EML5: variants seen among roughly 807,000 people sequenced by gnomAD.
EML5 encodes the protein echinoderm microtubule-associated protein-like 5.
In EML5, 120 loss-of-function variants were observed where a neutral mutation model predicts 250.0. The observed-to-expected ratio is 0.48, with a 90% CI of 0.41 to 0.56. EML5 has a LOEUF of 0.56. Among genes scored for constraint, EML5 ranks in the 20% least tolerant of loss-of-function variants. EML5 has a pLI of 0.00. For missense variants in EML5, 2,006 were observed against 2,437.6 expected (o/e 0.82, Z 3.73); for synonymous variants, 771 against 806.5 (o/e 0.96, Z 0.75).
intron 32 of EML5, among the ~76,000 whole-genome samples, chr14:88,637,854 G>A (rs1387572866): frequency 6.6e-6 from 1 of 152,040 alleles, no homozygotes; most frequent in East Asian, 1.9e-4. Context: ...TATATGCAAA[G>A]ATTAGAATAT....
At chr14:88,765,524 C>A (rs1195146600) in intron 1 of EML5, among the ~76,000 whole-genome samples, 1 of 152,142 alleles carries the variant, frequency 6.6e-6, no homozygotes, top group Non-Finnish European at 1.5e-5. Flanking sequence ...CTCATTCCAG[C>A]TAAAGAAAAT....
chr14:88,642,661 T>C (rs891254204), intron 31 of EML5, among the ~76,000 whole-genome samples: 10 of 152,220 alleles, frequency 6.6e-5, no homozygotes, highest in Non-Finnish European at 1.5e-4. Flanking sequence ...TAGAGACTTA[T>C]GAGCACTTTG....
At chr14:88,627,139 C>A (rs2090036819) in intron 34 of EML5, 93 bp from the exon 35 acceptor site, 1 of 1,360,730 alleles carries the variant, frequency 7.3e-7, no homozygotes, top group African/African-American at 1.4e-5. Flanking sequence ...GTTCAAAAAA[C>A]AAAGGCTTAG....
At chr14:88,634,247 CCCTTTG>C (rs1271808900) in intron 33 of EML5, among the ~76,000 whole-genome samples, 1 of 152,158 alleles carries the variant, frequency 6.6e-6, no homozygotes, top group Admixed American at 6.6e-5. Context: ...CCTGCTCAAG[CCCTTTG>C]CCTTCCACCA....
At chr14:88,752,056 A>G (rs996396063) in intron 2 of EML5, among the ~76,000 whole-genome samples, 3 of 152,150 alleles carry the variant, frequency 2.0e-5, no homozygotes, top group African/African-American at 7.2e-5. Context: ...GTTTTTATGA[A>G]CTTAAAATTT....
chr14:88,766,921 G>A (rs187380667), intron 1 of EML5, among the ~76,000 whole-genome samples: 4 of 152,264 alleles, frequency 2.6e-5, no homozygotes, highest in Admixed American at 6.5e-5. Context: ...GGTTTCCCCC[G>A]ATAGCACACA....
At chr14:88,617,965 TAAG>T in intron 41 of EML5, 1 of 268,680 alleles carries the variant, frequency 3.7e-6, no homozygotes, top group South Asian at 8.5e-5. Context: ...AATTTAGCAT[TAAG>T]AAAAATATCA....
intron 34 of EML5, 146 bp downstream of exon 34, chr14:88,627,500 A>C: frequency 1.4e-6 from 1 of 703,910 alleles, no homozygotes; most frequent in Non-Finnish European, 2.2e-6. Context: ...AAATATACCT[A>C]CAGTACCACT....
At chr14:88,765,313 T>C (rs1016981394) in intron 1 of EML5, among the ~76,000 whole-genome samples, 2 of 152,154 alleles carry the variant, frequency 1.3e-5, no homozygotes, top group African/African-American at 4.8e-5. Context: ...TCCAAGTTCA[T>C]TCAGAACGTT....
chr14:88,686,780 C>A (rs959418597), intron 19 of EML5, among the ~76,000 whole-genome samples: 1 of 152,128 alleles, frequency 6.6e-6, no homozygotes, highest in Non-Finnish European at 1.5e-5. Flanking sequence ...CACTGCACTC[C>A]AGCCTGGGCA....
chr14:88,684,084 C>G (rs1330271153), intron 20 of EML5, among the ~76,000 whole-genome samples: 1 of 151,402 alleles, frequency 6.6e-6, no homozygotes, highest in African/African-American at 2.4e-5. Context: ...ATAAAACTAT[C>G]AGAACTAATA....
rs1595904466 is a variant in EML5, at chr14:88,792,334, T to A, written c.170A>T (p.Tyr57Phe). The A allele has an allele frequency of 1.3e-6, 2 of 1,564,168 alleles. No individual in the cohort carries two copies. Among genetic ancestry groups the A allele is most frequent in the Non-Finnish European group, 1.7e-6 (2 of 1,156,454 alleles). ...GATGATGTCGTCGCTGTGGCCCCGG[T>A]AGAACTTCTGCCTGTGCTCCCGCGG... ...YSPREHRQKF[Y>F]RGHSDDIISL... Residue 57 changes from tyrosine to phenylalanine, a missense_variant, in exon 1 of 44, where the codon TAC becomes TTC. Physicochemically the swap from Tyr to Phe is conservative, Grantham distance 22. Around this residue, in one of 7 missense-constraint regions of EML5, gnomAD observed 162 missense variants for 212.2 expected, o/e 0.76. Transcript: ENST00000554922. This position sits in a 1 kb window ranked among gnomAD's most constrained non-coding sequence, Gnocchi z 6.9.
At position 88,618,809 on chromosome 14, in the gene EML5, A is replaced by G. The variant is rs1434298213; in HGVS notation, c.5379T>C (p.Phe1793=). 1 of 1,578,754 alleles carries G rather than the reference A, an allele frequency of 6.3e-7. No homozygotes were observed. The stretch of plus-strand genomic sequence containing the variant: ...CTGCCAGATACCGGGAATCCGGACT[A>G]AATCTGAATCAAAACAAAACGTAAA... The part of the protein sequence containing the change: ...DRRCAIHDIR[F]SPDSRYLAVG... Residue 1793 remains phenylalanine, a synonymous_variant, in exon 40 of 44, where the codon TTT becomes TTC. Coordinates refer to ENST00000554922, the MANE Select transcript of EML5 (RefSeq NM_183387.3).
At chr14:88,668,990 T>C (rs546366571) in intron 21 of EML5, among the ~76,000 whole-genome samples, 14 of 151,400 alleles carry the variant, frequency 9.2e-5, no homozygotes, top group Admixed American at 4.0e-4. Flanking sequence ...GGTTCTCTCA[T>C]TGGGACTGAC....
At chr14:88,645,017 C>CA (rs1287098826) in intron 29 of EML5, among the ~76,000 whole-genome samples, 1 of 150,346 alleles carries the variant, frequency 6.7e-6, no homozygotes, top group Non-Finnish European at 1.5e-5. Context: ...CACACCCAGC[C>CA]TTTTCTCTTC....
At chr14:88,773,323 C>T (rs955991158) in intron 1 of EML5, among the ~76,000 whole-genome samples, 1 of 152,240 alleles carries the variant, frequency 6.6e-6, no homozygotes, top group Non-Finnish European at 1.5e-5. Flanking sequence ...CATGATGACA[C>T]TGAACAGATC....
rs2087227538 is a variant in EML5, at chr14:88,614,067, G to GT, written c.*1750dup. Reference sequence around the variant, plus strand: ...TAGTTTACATGCTTAAGGTTACAGAGTTTCTACCTGCACTGTAATGGAAAT... The same window carrying GT: ...TAGTTTACATGCTTAAGGTTACAGAGTTTTCTACCTGCACTGTAATGGAAAT... On this transcript the variant is annotated 3_prime_UTR_variant, in exon 44 of 44. Coordinates refer to ENST00000554922, the MANE Select transcript of EML5 (RefSeq NM_183387.3). 6.6e-6 allele frequency: 1 copy of GT among 152,192 alleles called. No homozygotes were observed. The highest frequency in any genetic ancestry group is 2.4e-5 in the African/African-American group (1 of 41,452). The allele number at this position is 152,192 out of a possible 1,614,324, so 9.4% of individuals were successfully genotyped here.
chr14:88,781,523 C>G (rs966137693), intron 1 of EML5, among the ~76,000 whole-genome samples: 1 of 152,044 alleles, frequency 6.6e-6, no homozygotes, highest in Admixed American at 6.5e-5. Context: ...ATATCCTTAT[C>G]CCCTCTTTGC....
chr14:88,786,191 C>T (rs2094549350), intron 1 of EML5, among the ~76,000 whole-genome samples: 1 of 152,220 alleles, frequency 6.6e-6, no homozygotes, highest in Non-Finnish European at 1.5e-5. Flanking sequence ...TGAGGTCTTC[C>T]TGGCCACCCT....
Sources: allele counts gnomAD v4.1 joint callset (sites outside exome capture counted in the v4.1 genomes callset), GRCh38; gene constraint gnomAD v4.1.1; regional missense constraint gnomAD v4.1.1; non-coding constraint Gnocchi (gnomAD v3.1); transcripts MANE v1.5; gene names NCBI Gene and HGNC (gene_info 2026-07-23, HGNC 2026-07-21).